The following INSC variants were observed in gnomAD, a reference collection of about 807,000 sequenced individuals.
INSC encodes the protein protein inscuteable homolog.
In INSC, 67 loss-of-function variants were observed where a neutral mutation model predicts 58.6. The ratio of observed to expected loss-of-function variants is 1.14; its 90% CI spans 0.94 to 1.40. The LOEUF (loss-of-function observed/expected upper bound fraction) is 1.40, where lower values mean the gene tolerates loss of function less well. Among genes scored for constraint, INSC ranks in the 40% most tolerant of loss-of-function variants. The probability of loss-of-function intolerance (pLI) is 0.00; values close to 1 mark genes in which losing one functional copy is unlikely to be tolerated. For synonymous variants in INSC, 262 were observed against 276.1 expected, an observed-to-expected ratio of 0.95 and a Z score of 0.51; for missense variants, 714 against 692.0, an observed-to-expected ratio of 1.03 and a Z score of -0.36.
intron 1 of INSC, among the ~76,000 whole-genome samples, chr11:15,148,827 G>A (rs1271307615): frequency 1.3e-5 from 2 of 152,172 alleles, no homozygotes; most frequent in Non-Finnish European, 2.9e-5. Flanking sequence ...TGTGCAATAC[G>A]TATGGGCTGT....
intron 1 of INSC, among the ~76,000 whole-genome samples, chr11:15,125,310 T>G (rs1319849344): frequency 6.6e-6 from 1 of 152,126 alleles, no homozygotes; most frequent in Non-Finnish European, 1.5e-5. Context: ...GGAGTTGAGA[T>G]CAATGCAATA....
chr11:15,187,920 A>G (rs922718580), intron 5 of INSC, among the ~76,000 whole-genome samples: 2 of 152,174 alleles, frequency 1.3e-5, no homozygotes, highest in African/African-American at 4.8e-5. Context: ...TGAGGCCGAT[A>G]CTAAGGTAGG....
chr11:15,147,292 G>A (rs1330973830), intron 1 of INSC, among the ~76,000 whole-genome samples: 1 of 152,066 alleles, frequency 6.6e-6, no homozygotes, highest in Non-Finnish European at 1.5e-5. Flanking sequence ...TGACAGTAAT[G>A]ATGGAAATAA....
intron 1 of INSC, among the ~76,000 whole-genome samples, chr11:15,122,445 G>C (rs962466799): frequency 1.3e-5 from 2 of 152,100 alleles, no homozygotes; most frequent in African/African-American, 4.8e-5. Flanking sequence ...GGAGATGAAG[G>C]AGTCTAAGTG....
chr11:15,145,146 C>A (rs973940437), intron 1 of INSC, among the ~76,000 whole-genome samples: 3 of 152,186 alleles, frequency 2.0e-5, no homozygotes, highest in East Asian at 1.9e-4. Flanking sequence ...AAGGGTACTT[C>A]TTCTTGGAGA....
In INSC at chr11:15,178,387, G is replaced by T; in HGVS notation, c.519G>T (p.Leu173=). ...KSMKACVSET[L]SMLGQHFGQL... ...TGAAGGCCTGCGTGAGTGAGACCCT[G>T]AGCATGCTGGGCCAGCACTTTGGTC... is the stretch of plus-strand genomic sequence containing the variant. The change falls in exon 5 of 13, where the codon CTG becomes CTT. Residue 173 remains leucine, a synonymous_variant. Coordinates refer to ENST00000379556, the MANE Select transcript of INSC (RefSeq NM_001042536.3). 1 of 1,613,740 alleles carries T rather than the reference G, an allele frequency of 6.2e-7. No individual in the cohort carries two copies.
chr11:15,190,159 T>C (rs368884468), intron 5 of INSC, among the ~76,000 whole-genome samples: 2 of 152,306 alleles, frequency 1.3e-5, no homozygotes, highest in South Asian at 2.1e-4. Flanking sequence ...CAGCAAGCTA[T>C]TGGGGAGAGC....
chr11:15,248,699 G>C (rs569305560), downstream of INSC, among the ~76,000 whole-genome samples: 1 of 152,302 alleles, frequency 6.6e-6, no homozygotes, highest in East Asian at 1.9e-4. Flanking sequence ...GATTAAAGGA[G>C]AGTAGCTCTT....
intron 6 of INSC, among the ~76,000 whole-genome samples, chr11:15,195,539 G>A (rs561207593): frequency 3.9e-5 from 6 of 152,266 alleles, no homozygotes; most frequent in Admixed American, 1.3e-4. Context: ...TCCATGTGCC[G>A]CTTGATATAG....
the INSC span, among the ~76,000 whole-genome samples, chr11:15,263,975 A>G: frequency 2.7e-5 from 4 of 149,896 alleles, no homozygotes; most frequent in Admixed American, 6.7e-5. Context: ...CTTTTGCTGT[A>G]TCTCTATTCT....
chr11:15,210,535 G>GTT (rs921483912), intron 7 of INSC, among the ~76,000 whole-genome samples: 2 of 151,730 alleles, frequency 1.3e-5, no homozygotes, highest in African/African-American at 4.8e-5. Flanking sequence ...GTGTGTGTGT[G>GTT]TGTGTGTGTG....
chr11:15,195,066 G>A (rs1168454333), intron 6 of INSC, among the ~76,000 whole-genome samples: 1 of 152,180 alleles, frequency 6.6e-6, no homozygotes, highest in Admixed American at 6.5e-5. Flanking sequence ...TTAACCTGAA[G>A]AGCTTGTAGT....
rs148938726 is a variant in INSC at position 15,220,943 on chromosome 11, C to A, written c.820-534C>A. Reference sequence around the variant, plus strand: ...TGGGGAAGGAAATACTAAGCTCATCCTGTTGCTAAATATGAGGAAGGGAGG... The same window carrying A: ...TGGGGAAGGAAATACTAAGCTCATCATGTTGCTAAATATGAGGAAGGGAGG... On this transcript the variant is annotated intron_variant, in intron 7 of 12. Coordinates refer to ENST00000379556, the MANE Select transcript of INSC (RefSeq NM_001042536.3). Among the ~76,000 whole-genome samples the A allele has an allele frequency of 3.3e-5, 5 of 152,298 alleles. No homozygotes were observed. In the East Asian group the frequency reaches 9.7e-4, roughly 29 times the overall value.
intron 6 of INSC, among the ~76,000 whole-genome samples, chr11:15,194,906 C>T (rs1026973384): frequency 2.0e-5 from 3 of 152,162 alleles, no homozygotes; most frequent in Non-Finnish European, 2.9e-5. Flanking sequence ...GATACACAAT[C>T]GAACTACTAG....
chr11:15,229,510 CACTT>C (rs2133951279), intron 9 of INSC, among the ~76,000 whole-genome samples: 1 of 152,244 alleles, frequency 6.6e-6, no homozygotes, highest in Non-Finnish European at 1.5e-5. Flanking sequence ...TTGGACAAAT[CACTT>C]AATCTCTGAG....
chr11:15,147,048 G>T (rs953133941), intron 1 of INSC, among the ~76,000 whole-genome samples: 6 of 151,970 alleles, frequency 3.9e-5, no homozygotes, highest in Non-Finnish European at 8.8e-5. Flanking sequence ...TTTTTACTTT[G>T]CCTCTTTTCT....
intron 6 of INSC, among the ~76,000 whole-genome samples, chr11:15,200,529 T>C (rs1289148381): frequency 6.6e-6 from 1 of 152,060 alleles, no homozygotes; most frequent in Non-Finnish European, 1.5e-5. Flanking sequence ...AGGGTACTGA[T>C]CGCCAGCCCT....
downstream of INSC, among the ~76,000 whole-genome samples, chr11:15,248,481 T>A (rs1852615645): frequency 1.3e-5 from 2 of 152,198 alleles, no homozygotes; most frequent in Admixed American, 6.5e-5. Flanking sequence ...TCCCCAGAGA[T>A]CAGGGGCCCT....
intron 1 of INSC, among the ~76,000 whole-genome samples, chr11:15,143,978 A>G (rs1240214552): frequency 6.6e-6 from 1 of 152,182 alleles, no homozygotes; most frequent in Non-Finnish European, 1.5e-5. Flanking sequence ...CCTCAGAAAG[A>G]AATCTCCTTT....
Sources: gnomAD v4.1 joint callset for allele counts (sites outside exome capture counted in the v4.1 genomes callset) on GRCh38, gnomAD v4.1.1 for gene constraint, MANE v1.5 for transcripts, NCBI Gene and HGNC (gene_info 2026-07-23, HGNC 2026-07-21) for gene names.